The following DOCK1 variants were observed in gnomAD, a reference collection of about 807,000 sequenced individuals.
The protein encoded by DOCK1 is dedicator of cytokinesis 1.
DOCK1 carries 138 observed loss-of-function variants against 262.7 expected under a neutral mutation model. The ratio of observed to expected loss-of-function variants is 0.53; its 90% CI spans 0.46 to 0.61. DOCK1 has a LOEUF of 0.61. Ranked by LOEUF, DOCK1 falls within the 20% of genes least tolerant of loss-of-function variation. DOCK1 has a pLI of 0.00. For missense variants in DOCK1, 1,908 were observed against 2,370.7 expected (o/e 0.80, Z 4.05); for synonymous variants, 866 against 867.4 (o/e 1.00, Z 0.03).
At chr10:127,151,046 C>T (rs1023708358) in intron 27 of DOCK1, among the ~76,000 whole-genome samples, 59 of 152,138 alleles carry the variant, frequency 3.9e-4, no homozygotes, top group African/African-American at 1.4e-3. Flanking sequence ...TTATGATTTC[C>T]CCATTGATTG....
At chr10:127,289,457 G>T (rs943647063) in intron 29 of DOCK1, among the ~76,000 whole-genome samples, 6 of 152,242 alleles carry the variant, frequency 3.9e-5, no homozygotes, top group African/African-American at 1.4e-4. Context: ...TTGCCAGTGT[G>T]TCTTCATGAT....
intron 29 of DOCK1, among the ~76,000 whole-genome samples, chr10:127,317,941 T>C (rs2062355144): frequency 1.3e-5 from 2 of 152,186 alleles, no homozygotes; most frequent in African/African-American, 4.8e-5. Context: ...TTAAAGAAGA[T>C]AGTGGCCTTA....
At chr10:127,371,683 G>T (rs932896794) in intron 33 of DOCK1, among the ~76,000 whole-genome samples, 6 of 152,014 alleles carry the variant, frequency 3.9e-5, no homozygotes, top group Admixed American at 3.9e-4. Context: ...ATTTAATTTT[G>T]TGTCTCTATT....
At chr10:127,277,402 TAAGA>T (rs1329522006) in intron 29 of DOCK1, among the ~76,000 whole-genome samples, 1 of 152,174 alleles carries the variant, frequency 6.6e-6, no homozygotes, top group Admixed American at 6.5e-5. Context: ...TTATTTGACT[TAAGA>T]TAGGTCTATA....
At chr10:127,362,400 A>G (rs777517549) in intron 33 of DOCK1, among the ~76,000 whole-genome samples, 188 bp downstream of exon 33, 2 of 152,206 alleles carry the variant, frequency 1.3e-5, no homozygotes, top group African/African-American at 2.4e-5. Context: ...CTTGCACTCA[A>G]TTTTTGGGAG....
At chr10:127,362,661 T>C (rs537926587) in intron 33 of DOCK1, among the ~76,000 whole-genome samples, 3 of 152,166 alleles carry the variant, frequency 2.0e-5, no homozygotes, top group Admixed American at 6.5e-5. Flanking sequence ...ATGGAACTGA[T>C]GAAAATTCTC....
chr10:127,450,747 AAGCCAGCC>A (rs1191180913), intron 51 of DOCK1, among the ~76,000 whole-genome samples: 2 of 152,284 alleles, frequency 1.3e-5, no homozygotes, highest in South Asian at 2.1e-4. Flanking sequence ...CCATGAGCTG[AAGCCAGCC>A]AGCCAGCCAC....
intron 29 of DOCK1, among the ~76,000 whole-genome samples, chr10:127,287,080 T>A (rs886719455): frequency 4.6e-5 from 7 of 151,946 alleles, no homozygotes; most frequent in Non-Finnish European, 8.8e-5. Flanking sequence ...GCTAATTTTT[T>A]GTATTTTTAG....
At position 127,175,853 on chromosome 10, in the gene DOCK1, C is replaced by G. The variant is rs752031911; in HGVS notation, c.2847+48089C>G. 1.9e-6 allele frequency: 3 copies of G among 1,614,126 alleles called. No homozygotes were observed. The highest frequency in any genetic ancestry group is 1.1e-5 in the South Asian group (1 of 91,078). ...CCCCCAAAGGCTGGTCCACTGTGTT[C>G]ATGTGTTGGTTGGAATGGAAAACCA... On this transcript the variant is annotated intron_variant, in intron 27 of 51. Coordinates refer to ENST00000623213, the MANE Select transcript of DOCK1 (RefSeq NM_001290223.2). The surrounding 1 kb of genome is among the most constrained non-coding windows in gnomAD (Gnocchi z 6.3).
intron 44 of DOCK1, among the ~76,000 whole-genome samples, chr10:127,418,064 A>G (rs148210421): frequency 2.9e-3 from 444 of 152,270 alleles, no homozygotes; most frequent in African/African-American, 9.4e-3. Flanking sequence ...GTTCTGAAGC[A>G]GGTGTATTCA....
chr10:126,975,519 T>G (rs938703629), intron 2 of DOCK1, among the ~76,000 whole-genome samples: 5 of 152,252 alleles, frequency 3.3e-5, no homozygotes, highest in African/African-American at 1.2e-4. Flanking sequence ...AACTGTGTAC[T>G]TTTCATTTCT....
At chr10:127,398,974 A>T (rs1049499212) in intron 38 of DOCK1, among the ~76,000 whole-genome samples, 5 of 152,178 alleles carry the variant, frequency 3.3e-5, no homozygotes, top group African/African-American at 1.2e-4. Flanking sequence ...ATAAAAGAAA[A>T]TTTTTATTCA....
intron 23 of DOCK1, among the ~76,000 whole-genome samples, chr10:127,067,922 G>GC (rs2045972290): frequency 6.6e-6 from 1 of 151,902 alleles, no homozygotes; most frequent in Non-Finnish European, 1.5e-5. Flanking sequence ...TGAATTTGAG[G>GC]CCCCCCAAGC....
intron 29 of DOCK1, among the ~76,000 whole-genome samples, chr10:127,301,815 G>A (rs980547008): frequency 2.0e-5 from 3 of 151,870 alleles, no homozygotes; most frequent in Non-Finnish European, 2.9e-5. Flanking sequence ...GCATGGTGGC[G>A]GGTGCCTGTA....
intron 23 of DOCK1, among the ~76,000 whole-genome samples, chr10:127,082,424 C>T (rs912974312): frequency 6.6e-6 from 1 of 151,986 alleles, no homozygotes; most frequent in Non-Finnish European, 1.5e-5. Flanking sequence ...ACAATCATGG[C>T]GGAAGGTGAA....
intron 23 of DOCK1, among the ~76,000 whole-genome samples, chr10:127,088,469 C>T (rs2047327618): frequency 6.6e-6 from 1 of 152,084 alleles, no homozygotes; most frequent in South Asian, 2.1e-4. Flanking sequence ...TTTCGTTTGT[C>T]CTGGATATAT....
chr10:126,912,156 C>T (rs1480750368), intron 1 of DOCK1, among the ~76,000 whole-genome samples: 1 of 152,138 alleles, frequency 6.6e-6, no homozygotes, highest in Non-Finnish European at 1.5e-5. Flanking sequence ...TGGCCAGCCT[C>T]GGTGGCTCAC....
chr10:127,061,854 A>T, intron 23 of DOCK1, 78 bp downstream of exon 23: 1 of 1,046,524 alleles, frequency 9.6e-7, no homozygotes, highest in Non-Finnish European at 1.3e-6. Flanking sequence ...AGGTATTTTG[A>T]TTACAGTTAA....
At chr10:127,010,524 G>A (rs1308014473) in intron 11 of DOCK1, among the ~76,000 whole-genome samples, 1 of 152,164 alleles carries the variant, frequency 6.6e-6, no homozygotes, top group Non-Finnish European at 1.5e-5. Flanking sequence ...CAGTCACATT[G>A]GTCCTGTTTC....
Sources: gnomAD v4.1 joint callset for allele counts (sites outside exome capture counted in the v4.1 genomes callset) on GRCh38, gnomAD v4.1.1 for gene constraint, Gnocchi (gnomAD v3.1) non-coding constraint, MANE v1.5 for transcripts, NCBI Gene and HGNC (gene_info 2026-07-23, HGNC 2026-07-21) for gene names.